Variants in SEMA3E observed in about 807,000 individuals in gnomAD.
SEMA3E encodes the protein semaphorin 3E.
In SEMA3E, 49 loss-of-function variants were observed where a neutral mutation model predicts 93.6. The observed-to-expected ratio is 0.52, with a 90% CI of 0.42 to 0.66. SEMA3E has a LOEUF of 0.66. Among genes scored for constraint, SEMA3E ranks in the 30% least tolerant of loss-of-function variants. The pLI is 0.00. For synonymous variants in SEMA3E, 363 were observed against 330.7 expected, an observed-to-expected ratio of 1.10 and a Z score of -1.06; for missense variants, 906 against 964.8, an observed-to-expected ratio of 0.94 and a Z score of 0.81.
At chr7:83,469,805 T>C (rs1202413464) in intron 2 of SEMA3E, among the ~76,000 whole-genome samples, 1 of 152,180 alleles carries the variant, frequency 6.6e-6, no homozygotes, top group Non-Finnish European at 1.5e-5. Flanking sequence ...TTATTATCTT[T>C]TATTTTTTTG....
intron 8 of SEMA3E, 151 bp downstream of exon 8, chr7:83,405,794 C>A: frequency 5.7e-6 from 4 of 701,344 alleles, no homozygotes; most frequent in Non-Finnish European, 4.9e-6. Flanking sequence ...CCCCAGCATG[C>A]GTGCCTGGCC....
chr7:83,384,456 C>A (rs1276243842), intron 16 of SEMA3E, among the ~76,000 whole-genome samples: 1 of 150,486 alleles, frequency 6.6e-6, no homozygotes, highest in African/African-American at 2.4e-5. Context: ...CAATATTCAT[C>A]ATTTAATATT....
At chr7:83,483,564 T>G (rs1488348905) in intron 2 of SEMA3E, among the ~76,000 whole-genome samples, 3 of 151,962 alleles carry the variant, frequency 2.0e-5, no homozygotes, top group African/African-American at 7.3e-5. Flanking sequence ...ACAAGGAAAT[T>G]AAGCACCCCT....
chr7:83,437,373 C>A (rs2115770035), intron 4 of SEMA3E, among the ~76,000 whole-genome samples: 1 of 151,868 alleles, frequency 6.6e-6, no homozygotes, highest in Admixed American at 6.6e-5. Context: ...TGTATAAAAC[C>A]TTTGTGGGAA....
chr7:83,506,492 A>T (rs1033910288), intron 1 of SEMA3E, among the ~76,000 whole-genome samples: 2 of 152,018 alleles, frequency 1.3e-5, no homozygotes, highest in Non-Finnish European at 1.5e-5. Flanking sequence ...TATGGTGTGG[A>T]TGTGAGGATG....
chr7:83,399,966 A>T, intron 11 of SEMA3E, 62 bp downstream of exon 11: 1 of 1,281,050 alleles, frequency 7.8e-7, no homozygotes, highest in Non-Finnish European at 1.1e-6. Flanking sequence ...TAGAAATATT[A>T]TTAAAATTAT....
intron 4 of SEMA3E, among the ~76,000 whole-genome samples, chr7:83,445,693 G>C (rs556798383): frequency 6.6e-6 from 1 of 151,944 alleles, no homozygotes; most frequent in Non-Finnish European, 1.5e-5. Context: ...ATTCCAGCCT[G>C]GGCAACAAGA....
chr7:83,576,332 G>A (rs1015713020), intron 1 of SEMA3E, among the ~76,000 whole-genome samples: 6 of 152,056 alleles, frequency 3.9e-5, no homozygotes, highest in African/African-American at 9.7e-5. Flanking sequence ...TAAATATTGA[G>A]TAACTCATAT....
intron 1 of SEMA3E, among the ~76,000 whole-genome samples, chr7:83,600,040 A>T (rs897803960): frequency 6.6e-6 from 1 of 152,158 alleles, no homozygotes; most frequent in African/African-American, 2.4e-5. Flanking sequence ...TGCATCACAG[A>T]TCAGTTTGAA....
At chr7:83,433,767 T>C (rs76738034) in intron 4 of SEMA3E, among the ~76,000 whole-genome samples, 7,297 of 152,160 alleles carry the variant, frequency 0.048, 250 homozygotes, top group Middle Eastern at 0.1. Context: ...ACAAAGACGA[T>C]ACATACCGAG....
At chr7:83,387,313 T>A (rs1362733470) in intron 14 of SEMA3E, among the ~76,000 whole-genome samples, 1 of 151,906 alleles carries the variant, frequency 6.6e-6, no homozygotes, top group Non-Finnish European at 1.5e-5. Flanking sequence ...GTATTTCTCT[T>A]TACTTTTTGT....
At chr7:83,545,660 G>A (rs1444326333) in intron 1 of SEMA3E, among the ~76,000 whole-genome samples, 1 of 150,664 alleles carries the variant, frequency 6.6e-6, no homozygotes, top group African/African-American at 2.4e-5. Flanking sequence ...CATTTGACAG[G>A]GCTCTCTTGC....
intron 1 of SEMA3E, among the ~76,000 whole-genome samples, chr7:83,502,250 G>A (rs371205527): frequency 6.6e-6 from 1 of 151,890 alleles, no homozygotes; most frequent in Non-Finnish European, 1.5e-5. Flanking sequence ...TGCCTCCCTC[G>A]ACCACCACCA....
chr7:83,611,240 T>C (rs1027006197), intron 1 of SEMA3E, among the ~76,000 whole-genome samples: 2 of 145,238 alleles, frequency 1.4e-5, no homozygotes, highest in African/African-American at 5.0e-5. Context: ...CCCAGATCAC[T>C]CCATATATAT....
chr7:83,374,988 CT>C (rs1794801392), intron 16 of SEMA3E, among the ~76,000 whole-genome samples: 1 of 151,930 alleles, frequency 6.6e-6, no homozygotes, highest in Non-Finnish European at 1.5e-5. Context: ...ACAAAAACTC[CT>C]GTTGTTTGTA....
chr7:83,634,071 T>C (rs1170592411), intron 1 of SEMA3E, among the ~76,000 whole-genome samples: 1 of 152,202 alleles, frequency 6.6e-6, no homozygotes, highest in Non-Finnish European at 1.5e-5. Context: ...CCAATAGATA[T>C]AAATTAGCTG....
In SEMA3E at chr7:83,648,775, G is replaced by T; in HGVS notation, c.-233C>A. The T allele has an allele frequency of 1.7e-6, 1 of 576,808 alleles. No individual in the cohort carries two copies. The highest frequency in any genetic ancestry group is 3.2e-6 in the Non-Finnish European group (1 of 316,898). 35.7% of individuals were successfully genotyped at this position (576,808 alleles called of 1,614,324 possible). On this transcript the variant is annotated 5_prime_UTR_variant, in exon 1 of 17. Coordinates refer to ENST00000643230, the MANE Select transcript of SEMA3E (RefSeq NM_012431.3). The stretch of plus-strand genomic sequence containing the variant: ...CGGGAGCAAGAGGACATTCCAAAGA[G>T]TGAGTCTTCAGAGCCATGTCCTGTC...
chr7:83,426,828 C>T (rs982783410), intron 4 of SEMA3E, among the ~76,000 whole-genome samples: 1 of 152,008 alleles, frequency 6.6e-6, no homozygotes, highest in African/African-American at 2.4e-5. Flanking sequence ...TTTTGATTGC[C>T]ATTGGCTTTA....
At chr7:83,557,685 C>A (rs1363218328) in intron 1 of SEMA3E, among the ~76,000 whole-genome samples, 1 of 152,040 alleles carries the variant, frequency 6.6e-6, no homozygotes. Context: ...AACAATTACA[C>A]AAAGAAAATA....
Sources: gnomAD v4.1 joint callset for allele counts (sites outside exome capture counted in the v4.1 genomes callset) on GRCh38, gnomAD v4.1.1 for gene constraint, MANE v1.5 for transcripts, NCBI Gene and HGNC (gene_info 2026-07-23, HGNC 2026-07-21) for gene names.